The following PRTFDC1 variants were observed in gnomAD, a reference collection of about 807,000 sequenced individuals.
The protein encoded by PRTFDC1 is phosphoribosyltransferase domain-containing protein 1.
A neutral mutation model predicts 34.6 loss-of-function variants in PRTFDC1; 38 were observed. The observed-to-expected ratio is 1.10, with a 90% CI of 0.85 to 1.44. The LOEUF (loss-of-function observed/expected upper bound fraction) is 1.44. Ranked by LOEUF, PRTFDC1 falls within the 40% of genes most tolerant of loss-of-function variation. PRTFDC1 has a pLI of 0.00. For synonymous variants in PRTFDC1, 93 were observed against 98.1 expected (o/e 0.95, Z 0.31); for missense variants, 270 against 283.0 (o/e 0.95, Z 0.33).
chr10:24,936,595 C>A (rs1421866136), intron 3 of PRTFDC1, among the ~76,000 whole-genome samples: 2 of 152,312 alleles, frequency 1.3e-5, no homozygotes, highest in Middle Eastern at 3.4e-3. Flanking sequence ...TAGGAAACAT[C>A]TTTGGAGAAT....
chr10:24,944,981 G>A (rs946381072), intron 1 of PRTFDC1, among the ~76,000 whole-genome samples: 2 of 151,964 alleles, frequency 1.3e-5, no homozygotes, highest in African/African-American at 4.8e-5. Context: ...CAAGTCCTCC[G>A]ATCTGCCAAT....
intron 3 of PRTFDC1, among the ~76,000 whole-genome samples, chr10:24,906,922 G>A (rs539379010): frequency 3.9e-4 from 59 of 152,240 alleles, no homozygotes; most frequent in Non-Finnish European, 7.5e-4. Flanking sequence ...CTGTTAGTTC[G>A]TCTTTCTTTA....
intron 3 of PRTFDC1, among the ~76,000 whole-genome samples, chr10:24,929,092 C>A (rs373244257): frequency 1.4e-5 from 2 of 148,118 alleles, no homozygotes; most frequent in South Asian, 2.2e-4. Flanking sequence ...CTTTCAATTC[C>A]AGGCACCCTT....
At chr10:24,866,376 A>AG (rs1235811903) in intron 4 of PRTFDC1, among the ~76,000 whole-genome samples, 9 of 149,914 alleles carry the variant, frequency 6.0e-5, no homozygotes, top group African/African-American at 2.0e-4. Flanking sequence ...AAAAAAAAAA[A>AG]AAAAGAAAAA....
At chr10:24,878,133 C>A (rs1010218780) in intron 3 of PRTFDC1, among the ~76,000 whole-genome samples, 1 of 151,876 alleles carries the variant, frequency 6.6e-6, no homozygotes, top group African/African-American at 2.4e-5. Context: ...AGTAGCCTGG[C>A]GTGGTGGCGA....
intron 3 of PRTFDC1, among the ~76,000 whole-genome samples, chr10:24,922,108 T>G (rs1472145094): frequency 6.6e-6 from 1 of 152,246 alleles, no homozygotes; most frequent in Admixed American, 6.5e-5. Context: ...TTAAAGTTCA[T>G]GTGTTTTATA....
At chr10:24,857,224 G>A (rs1408117488) in intron 5 of PRTFDC1, among the ~76,000 whole-genome samples, 1 of 152,150 alleles carries the variant, frequency 6.6e-6, no homozygotes, top group Non-Finnish European at 1.5e-5. Context: ...GAATCCTTTA[G>A]CTGTGTTGAA....
intron 1 of PRTFDC1, among the ~76,000 whole-genome samples, chr10:24,949,739 ATTTTTTT>A (rs201933925): frequency 0.045 from 5,258 of 116,940 alleles, 150 homozygotes; most frequent in East Asian, 0.079. Context: ...TTATTTATTT[ATTTTTTT>A]TTTTTTTTTT....
At chr10:24,884,134 G>C (rs938258378) in intron 3 of PRTFDC1, among the ~76,000 whole-genome samples, 2 of 148,808 alleles carry the variant, frequency 1.3e-5, no homozygotes, top group African/African-American at 5.0e-5. Flanking sequence ...GCCCGGCCAA[G>C]AGACGATTTT....
At chr10:24,933,716 TGGAGTCTCATTCTGTTGCCCA>T (rs1187439252) in intron 3 of PRTFDC1, among the ~76,000 whole-genome samples, 15 of 148,674 alleles carry the variant, frequency 1.0e-4, no homozygotes, top group Non-Finnish European at 2.2e-4. Flanking sequence ...TTTTTTGAGA[TGGAGTCTCATTCTGTTGCCCA>T]GACTGGAGTG....
intron 3 of PRTFDC1, among the ~76,000 whole-genome samples, chr10:24,923,617 G>T (rs1848824909): frequency 6.6e-6 from 1 of 152,084 alleles, no homozygotes; most frequent in Non-Finnish European, 1.5e-5. Context: ...TCAACAAAAA[G>T]GACATCCACA....
In PRTFDC1 at chr10:24,942,411, T is replaced by C. The variant is rs780712266; in HGVS notation, c.74A>G (p.Asp25Gly). Residue 25 changes from aspartate to glycine, a missense_variant, in exon 2 of 9, where the codon GAC becomes GGC. Coordinates refer to ENST00000320152, the MANE Select transcript of PRTFDC1 (RefSeq NM_020200.7). ...CTGTGGGTACGTGAATAAATTCAAG[T>C]CATACCCTGGCCAATCATCCATAAT... ...VVIMDDWPGY[D>G]LNLFTYPQHY... 6 of 1,613,746 alleles carry C rather than the reference T, an allele frequency of 3.7e-6. No individual in the cohort carries two copies. The South Asian group carries it at 5.5e-5, about 15-fold the overall frequency.
At chr10:24,925,844 T>C (rs1386123136) in intron 3 of PRTFDC1, among the ~76,000 whole-genome samples, 2 of 152,126 alleles carry the variant, frequency 1.3e-5, no homozygotes, top group Non-Finnish European at 2.9e-5. Flanking sequence ...TTAGGTGGGG[T>C]TGGAACTCTG....
intron 3 of PRTFDC1, among the ~76,000 whole-genome samples, chr10:24,885,530 T>G (rs981367221): frequency 6.6e-6 from 1 of 152,140 alleles, no homozygotes; most frequent in Non-Finnish European, 1.5e-5. Flanking sequence ...CTCAGCCTCC[T>G]GAATAGCTGG....
chr10:24,864,853 C>G (rs748389578), intron 4 of PRTFDC1, among the ~76,000 whole-genome samples: 1 of 152,108 alleles, frequency 6.6e-6, no homozygotes, highest in Non-Finnish European at 1.5e-5. Context: ...CGATGGCTCA[C>G]ACCTGTAATC....
intron 1 of PRTFDC1, among the ~76,000 whole-genome samples, chr10:24,950,062 C>A (rs1186522344): frequency 6.6e-6 from 1 of 152,092 alleles, no homozygotes; most frequent in East Asian, 1.9e-4. Context: ...CCTCTCACTA[C>A]CTCTTTGCAT....
At position 24,942,352 on chromosome 10, in the gene PRTFDC1, G is replaced by A. The variant is rs191884768; in HGVS notation, c.133C>T (p.Pro45Ser). 1.3e-4 allele frequency: 210 copies of A among 1,612,342 alleles called. 4 individuals carry two copies. The Admixed American group carries it at 3.5e-3, about 27-fold the overall frequency. Residue 45 changes from proline to serine, a missense_variant, in exon 2 of 9, where the codon CCT becomes TCT. Physicochemically the swap from Pro to Ser is moderately conservative, Grantham distance 74. Transcript: ENST00000320152. ...CACCTGTCCACAATGATACCATGAG[G>A]GATGAGGACATACTCCAAGTCTCCA... ...YYGDLEYVLI[P>S]HGIIVDRIER...
intron 3 of PRTFDC1, among the ~76,000 whole-genome samples, chr10:24,914,608 G>A (rs1848668932): frequency 6.6e-6 from 1 of 152,132 alleles, no homozygotes; most frequent in Non-Finnish European, 1.5e-5. Flanking sequence ...CTACGATCTG[G>A]TTTGAAGGGC....
chr10:24,938,715 C>T (rs1038557164), intron 2 of PRTFDC1, among the ~76,000 whole-genome samples: 1 of 152,208 alleles, frequency 6.6e-6, no homozygotes, highest in Non-Finnish European at 1.5e-5. Flanking sequence ...CTTCATGCAT[C>T]TCAATTGACC....
Sources: allele counts gnomAD v4.1 joint callset (sites outside exome capture counted in the v4.1 genomes callset), GRCh38; gene constraint gnomAD v4.1.1; transcripts MANE v1.5; gene names NCBI Gene and HGNC (gene_info 2026-07-23, HGNC 2026-07-21).